The following NOVA1 variants were observed in gnomAD, a reference collection of about 807,000 sequenced individuals.
NOVA1 encodes the protein NOVA alternative splicing regulator 1.
In NOVA1, 7 loss-of-function variants were observed where a neutral mutation model predicts 38.0. That is an observed-to-expected ratio of 0.18 (90% CI 0.10 to 0.35). The LOEUF is 0.35. Ranked by LOEUF, NOVA1 falls within the 10% of genes least tolerant of loss-of-function variation. The probability of loss-of-function intolerance (pLI) is 1.00; values close to 1 mark genes in which losing one functional copy is unlikely to be tolerated. For missense variants in NOVA1, 460 were observed against 616.0 expected, an observed-to-expected ratio of 0.75 and a Z score of 2.68; for synonymous variants, 270 against 232.5, an observed-to-expected ratio of 1.16 and a Z score of -1.47.
At chr14:26,492,898 A>G (rs1054670346) in intron 2 of NOVA1, among the ~76,000 whole-genome samples, 1 of 151,998 alleles carries the variant, frequency 6.6e-6, no homozygotes, top group Non-Finnish European at 1.5e-5. Context: ...GTGCCACTGC[A>G]CTCCAGCCTG....
intron 2 of NOVA1, among the ~76,000 whole-genome samples, chr14:26,537,507 C>T (rs1389422932): frequency 6.6e-6 from 1 of 151,874 alleles, no homozygotes; most frequent in Non-Finnish European, 1.5e-5. Context: ...CAAAATTCTA[C>T]ATATAAAAAG....
chr14:26,540,606 T>C (rs1890404531), intron 2 of NOVA1, among the ~76,000 whole-genome samples: 1 of 152,218 alleles, frequency 6.6e-6, no homozygotes, highest in Admixed American at 6.5e-5. Flanking sequence ...GTTTTCACAT[T>C]AGTAGCAAAC....
intron 2 of NOVA1, chr14:26,594,057 T>G (rs1594598967): frequency 6.6e-6 from 1 of 151,954 alleles, no homozygotes; most frequent in East Asian, 1.9e-4. Context: ...ATAATATACC[T>G]TTTAAACATA....
intron 2 of NOVA1, among the ~76,000 whole-genome samples, chr14:26,522,861 A>G (rs894389736): frequency 3.3e-5 from 5 of 152,154 alleles, no homozygotes; most frequent in Non-Finnish European, 5.9e-5. Context: ...AAGTTTCATA[A>G]ATTTCTGTAA....
At chr14:26,536,305 G>C (rs1890095587) in intron 2 of NOVA1, among the ~76,000 whole-genome samples, 1 of 151,348 alleles carries the variant, frequency 6.6e-6, no homozygotes, top group Non-Finnish European at 1.5e-5. Context: ...TAGTATAATA[G>C]GGCTACTATA....
intron 2 of NOVA1, among the ~76,000 whole-genome samples, chr14:26,516,158 G>A (rs117734001): frequency 6.6e-6 from 1 of 152,230 alleles, no homozygotes; most frequent in Non-Finnish European, 1.5e-5. Context: ...ATTTGTAACG[G>A]TATTGAGTGT....
intron 2 of NOVA1, among the ~76,000 whole-genome samples, chr14:26,498,935 C>T (rs1223325410): frequency 6.6e-6 from 1 of 152,020 alleles, no homozygotes; most frequent in African/African-American, 2.4e-5. Flanking sequence ...AATAAGCCAG[C>T]CACAGGAAGG....
intron 2 of NOVA1, among the ~76,000 whole-genome samples, chr14:26,522,108 C>A (rs1392430282): frequency 1.3e-5 from 2 of 151,956 alleles, no homozygotes; most frequent in East Asian, 3.9e-4. Flanking sequence ...TATCAATGTG[C>A]ATATAATATT....
intron 3 of NOVA1, among the ~76,000 whole-genome samples, chr14:26,474,496 G>A (rs528531025): frequency 1.3e-5 from 2 of 151,734 alleles, no homozygotes; most frequent in South Asian, 2.1e-4. Flanking sequence ...GATTTTTATT[G>A]CCTTTCTTTT....
At chr14:26,535,320 C>T (rs370180001) in intron 2 of NOVA1, among the ~76,000 whole-genome samples, 2 of 152,154 alleles carry the variant, frequency 1.3e-5, no homozygotes, top group East Asian at 3.9e-4. Flanking sequence ...TTCAATGTGA[C>T]TTCACTAAAA....
chr14:26,576,750 T>C (rs1003671637), intron 2 of NOVA1, among the ~76,000 whole-genome samples: 4 of 151,898 alleles, frequency 2.6e-5, no homozygotes, highest in African/African-American at 4.8e-5. Flanking sequence ...CTCCTTTTTT[T>C]ATTATTGTAT....
In NOVA1 at chr14:26,444,710, G is replaced by C. The variant is rs1471010324; in HGVS notation, c.*3249C>G. On this transcript the variant is annotated 3_prime_UTR_variant, in exon 5 of 5. Coordinates refer to ENST00000539517, the MANE Select transcript of NOVA1 (RefSeq NM_002515.3). The stretch of plus-strand genomic sequence containing the variant: ...TGAAGTAGGATTGAAAGTCCTACAG[G>C]TAATAGCAATAACTGGAAGTGCAGA... 1 of 152,058 alleles carries C rather than the reference G, an allele frequency of 6.6e-6. No individual in the cohort carries two copies. Among genetic ancestry groups the C allele is most frequent in the Non-Finnish European group, 1.5e-5 (1 of 68,016 alleles). The allele number at this position is 152,058 out of a possible 1,614,324, so 9.4% of individuals were successfully genotyped here. A position where few individuals can be genotyped will look rare whatever the true frequency, so the allele number is the denominator to read the frequency against.
At chr14:26,529,799 C>G (rs1245554106) in intron 2 of NOVA1, among the ~76,000 whole-genome samples, 1 of 152,190 alleles carries the variant, frequency 6.6e-6, no homozygotes, top group Non-Finnish European at 1.5e-5. Context: ...TCCTAGGACT[C>G]ACACTTCAGT....
At chr14:26,504,259 T>C (rs1409743280) in intron 2 of NOVA1, among the ~76,000 whole-genome samples, 2 of 152,154 alleles carry the variant, frequency 1.3e-5, no homozygotes, top group African/African-American at 4.8e-5. Flanking sequence ...ACCATAAAAT[T>C]ATTCAACAGA....
At chr14:26,593,606 G>C (rs916173815) in intron 2 of NOVA1, 1 of 151,700 alleles carries the variant, frequency 6.6e-6, no homozygotes, top group African/African-American at 2.4e-5. Context: ...TTTATTCAAC[G>C]CATTCCAGCT....
At chr14:26,499,454 G>A (rs890142851) in intron 2 of NOVA1, among the ~76,000 whole-genome samples, 2 of 152,024 alleles carry the variant, frequency 1.3e-5, no homozygotes, top group African/African-American at 4.8e-5. Context: ...ATAATGCAGG[G>A]AGGTATCCAT....
intron 2 of NOVA1, among the ~76,000 whole-genome samples, chr14:26,481,988 T>TTAAAAAAAAAAAAAAAAAAAAAAA: frequency 9.4e-6 from 1 of 105,962 alleles, no homozygotes; most frequent in Non-Finnish European, 1.8e-5. Flanking sequence ...TAGATAGAGA[T>TTAAAAAAAAAAAAAAAAAAAAAAA]AAAAAAAAAA....
intron 2 of NOVA1, among the ~76,000 whole-genome samples, chr14:26,545,470 A>G (rs1179945386): frequency 3.3e-5 from 5 of 152,224 alleles, no homozygotes; most frequent in South Asian, 2.1e-4. Flanking sequence ...CAATAAATCA[A>G]TATGTGCAGT....
intron 2 of NOVA1, among the ~76,000 whole-genome samples, chr14:26,506,396 G>T (rs1291289503): frequency 6.6e-6 from 1 of 152,164 alleles, no homozygotes; most frequent in African/African-American, 2.4e-5. Context: ...CAAACTTGGG[G>T]AACAGATTTG....
Sources: allele counts gnomAD v4.1 joint callset (sites outside exome capture counted in the v4.1 genomes callset), GRCh38; gene constraint gnomAD v4.1.1; transcripts MANE v1.5; gene names NCBI Gene and HGNC (gene_info 2026-07-23, HGNC 2026-07-21).